The following CYP3A4 variants were observed in gnomAD, a reference collection of about 807,000 sequenced individuals.
The protein encoded by CYP3A4 is cytochrome P450 family 3 subfamily A member 4, also known as cytochrome P450 3A4.
A neutral mutation model predicts 54.9 loss-of-function variants in CYP3A4; 41 were observed. The observed-to-expected ratio is 0.75, with a 90% CI of 0.58 to 0.97. CYP3A4 has a LOEUF of 0.97. CYP3A4 is among the 50% of genes least tolerant of loss of function. The pLI is 0.00. For synonymous variants in CYP3A4, 179 were observed against 205.2 expected (o/e 0.87, Z 1.09); for missense variants, 510 against 597.3 (o/e 0.85, Z 1.52).
chr7:99,769,882 A>G, intron 5 of CYP3A4, 26 bp from the exon 6 acceptor site: 2 of 1,613,650 alleles, frequency 1.2e-6, no homozygotes, highest in South Asian at 2.2e-5. Flanking sequence ...AACACCACCC[A>G]TAGTTAAATG....
chr7:99,777,477 TGTGTG>T (rs1379042643), intron 3 of CYP3A4, among the ~76,000 whole-genome samples: 1 of 170 alleles, frequency 5.9e-3, no homozygotes, highest in African/African-American at 0.016. Flanking sequence ...TGTCACTAGT[TGTGTG>T]TGTGTGTGTG....
At chr7:99,773,234 C>G (rs1254212372) in intron 3 of CYP3A4, among the ~76,000 whole-genome samples, 2 of 151,974 alleles carry the variant, frequency 1.3e-5, no homozygotes, top group African/African-American at 2.4e-5. Flanking sequence ...AAGATTTCCA[C>G]ACAATAATAA....
rs202138940 is a variant in CYP3A4 at position 99,767,296 on chromosome 7, C to A, written c.671-38G>T. 13 of 1,541,576 alleles carry A rather than the reference C, an allele frequency of 8.4e-6. No individual in the cohort carries two copies. In the Admixed American group the frequency reaches 2.8e-4, roughly 34 times the overall value. On this transcript the variant is annotated intron_variant, in intron 7 of 12. Transcript: ENST00000651514. ...CAAAACAAAAACAGAAAAAGAAATT[C>A]ATTGTGAATGTGCAAAATTTACCTG...
intron 11 of CYP3A4, among the ~76,000 whole-genome samples, chr7:99,761,787 T>C (rs1185891410): frequency 2.0e-5 from 3 of 152,214 alleles, no homozygotes; most frequent in Non-Finnish European, 4.4e-5. Flanking sequence ...TTTTGGACAC[T>C]GATGACCCAT....
chr7:99,781,096 C>T (rs764678059), intron 1 of CYP3A4, among the ~76,000 whole-genome samples: 1 of 152,122 alleles, frequency 6.6e-6, no homozygotes, highest in Non-Finnish European at 1.5e-5. Context: ...GTGTTGTCCT[C>T]GTGACAATGA....
At chr7:99,763,743 G>A in intron 10 of CYP3A4, 112 bp downstream of exon 10, 1 of 1,370,114 alleles carries the variant, frequency 7.3e-7, no homozygotes, top group South Asian at 1.4e-5. Context: ...CATAGAGTCA[G>A]TGAAAGAATC....
In CYP3A4 at chr7:99,784,171, C is replaced by T. The variant is rs1050063344; in HGVS notation, c.-90G>A. 26 of 1,228,826 alleles carry T rather than the reference C, an allele frequency of 2.1e-5. No individual in the cohort carries two copies. In the African/African-American group the frequency reaches 3.0e-4, roughly 14 times the overall value. 76.1% of individuals were successfully genotyped at this position (1,228,826 alleles called of 1,614,324 possible). A position where few individuals can be genotyped will look rare whatever the true frequency, so the allele number is the denominator to read the frequency against. On this transcript the variant is annotated 5_prime_UTR_variant, in exon 1 of 13. Transcript: ENST00000651514. The stretch of plus-strand genomic sequence containing the variant: ...GGGCTATGTGCATGGAGCTTTCCTG[C>T]CCTGCACAGCAGTGATTCAGTGAGG...
intron 6 of CYP3A4, 36 bp downstream of exon 6, chr7:99,769,732 G>C (rs768000139): frequency 6.2e-7 from 1 of 1,611,674 alleles, no homozygotes; most frequent in South Asian, 1.1e-5. Flanking sequence ...AGGGGTTCAT[G>C]ACAGCTCAGA....
chr7:99,772,164 G>A (rs1193118919), intron 4 of CYP3A4, among the ~76,000 whole-genome samples: 4 of 152,176 alleles, frequency 2.6e-5, no homozygotes, highest in African/African-American at 9.7e-5. Context: ...GATAGCAGGA[G>A]GGAGCCACAT....
intron 10 of CYP3A4, among the ~76,000 whole-genome samples, chr7:99,763,112 T>G (rs1271154564): frequency 6.6e-6 from 1 of 152,152 alleles, no homozygotes; most frequent in Non-Finnish European, 1.5e-5. Flanking sequence ...ATGAGATAGG[T>G]GTGGGGAGAG....
At chr7:99,759,060 A>G (rs1438435012) in intron 12 of CYP3A4, among the ~76,000 whole-genome samples, 1 of 152,212 alleles carries the variant, frequency 6.6e-6, no homozygotes, top group Admixed American at 6.5e-5. Context: ...TCCCCATCCC[A>G]GGTGTGCCAG....
intron 4 of CYP3A4, among the ~76,000 whole-genome samples, chr7:99,771,278 A>G (rs546403337): frequency 6.6e-6 from 1 of 152,328 alleles, no homozygotes; most frequent in East Asian, 1.9e-4. Context: ...GTTCTAGGAT[A>G]CCAGATCAAC....
At position 99,758,181 on chromosome 7, in the gene CYP3A4, G is replaced by A. The variant is rs756357832; in HGVS notation, c.1464C>T (p.Pro488=). 4.0e-5 allele frequency: 65 copies of A among 1,613,958 alleles called. No individual in the cohort carries two copies. Among genetic ancestry groups the A allele is most frequent in the Non-Finnish European group, 4.7e-5 (56 of 1,179,920 alleles). ...CCCTTGACTCAACCTTTAGAACAAC[G>A]GGTTTTTCTGGTTGAAGAAGTCCTC... The part of the protein sequence containing the change: ...SLGGLLQPEK[P]VVLKVESRDG... The change falls in exon 13 of 13, where the codon CCC becomes CCT. Residue 488 remains proline, a synonymous_variant. Transcript: ENST00000651514.
intron 6 of CYP3A4, among the ~76,000 whole-genome samples, 190 bp from the exon 7 acceptor site, chr7:99,768,692 C>T (rs537653230): frequency 3.9e-5 from 6 of 152,200 alleles, no homozygotes; most frequent in East Asian, 3.9e-4. Flanking sequence ...GCTGGCCCTA[C>T]GCTGGGTGTG....
intron 11 of CYP3A4, among the ~76,000 whole-genome samples, chr7:99,761,205 T>G (rs966481365): frequency 2.0e-5 from 3 of 152,200 alleles, no homozygotes; most frequent in Admixed American, 6.5e-5. Flanking sequence ...CTTGTTGAGA[T>G]GAGATAAATA....
chr7:99,761,919 CTA>C, intron 11 of CYP3A4, 120 bp downstream of exon 11: 2 of 943,824 alleles, frequency 2.1e-6, no homozygotes, highest in South Asian at 1.6e-5. Flanking sequence ...AAAAAAATCT[CTA>C]AATATAAAAA....
intron 6 of CYP3A4, among the ~76,000 whole-genome samples, 183 bp from the exon 7 acceptor site, chr7:99,768,685 G>T (rs1162079707): frequency 6.6e-6 from 1 of 152,050 alleles, no homozygotes; most frequent in Non-Finnish European, 1.5e-5. Context: ...TGATGCAGCT[G>T]GCCCTACGCT....
chr7:99,776,147 C>A (rs974383365), intron 3 of CYP3A4, among the ~76,000 whole-genome samples: 23 of 152,102 alleles, frequency 1.5e-4, no homozygotes, highest in Non-Finnish European at 7.3e-5. Context: ...CAATGAGATA[C>A]CATCTCATGC....
At chr7:99,782,359 C>G (rs183763368) in intron 1 of CYP3A4, among the ~76,000 whole-genome samples, 3 of 152,220 alleles carry the variant, frequency 2.0e-5, no homozygotes, top group Non-Finnish European at 4.4e-5. Flanking sequence ...GCTTTTGGTT[C>G]CAATGAAGAG....
Sources: allele counts gnomAD v4.1 joint callset (sites outside exome capture counted in the v4.1 genomes callset), GRCh38; gene constraint gnomAD v4.1.1; transcripts MANE v1.5; gene names NCBI Gene and HGNC (gene_info 2026-07-23, HGNC 2026-07-21).